The following YWHAE variants were observed in gnomAD, a reference collection of about 807,000 sequenced individuals.
YWHAE encodes the protein tyrosine 3-monooxygenase/tryptophan 5-monooxygenase activation protein epsilon.
A neutral mutation model predicts 30.1 loss-of-function variants in YWHAE; 4 were observed. The observed-to-expected ratio is 0.13, with a 90% CI of 0.07 to 0.30. The LOEUF is 0.30. YWHAE is among the 10% of genes least tolerant of loss of function. YWHAE has a pLI of 1.00. For synonymous variants in YWHAE, 118 were observed against 111.8 expected (o/e 1.06, Z -0.35); for missense variants, 121 against 315.9 (o/e 0.38, Z 4.68).
Position 1,361,317 on chromosome 17 carries a change from TAA to T in YWHAE, c.372-21_372-20del, listed in dbSNP as rs55734488. On this transcript the variant is annotated intron_variant, in intron 3 of 5. Transcript: ENST00000264335. ...CCCTTTCCTAAAACAAAACCAAAAT[TAA>T]AAAAAAAAAAAAAATTTAAACTAGG... 48,061 of 1,315,972 alleles carry T rather than the reference TAA, an allele frequency of 0.037. 1 individual carries two copies. Among genetic ancestry groups the T allele is most frequent in the Admixed American group, 0.076 (2,841 of 37,452 alleles). The allele number at this position is 1,315,972 out of a possible 1,614,324, so 81.5% of individuals were successfully genotyped here.
Position 1,357,087 on chromosome 17 carries a change from G to A in YWHAE, c.579-2740C>T, listed in dbSNP as rs376294981. On this transcript the variant is annotated intron_variant, in intron 4 of 5. Coordinates refer to ENST00000264335, the MANE Select transcript of YWHAE (RefSeq NM_006761.5). ...GATCGAGACCATCCTGGCTAACACAGGGAAACCCCATCTCTATTAAAAATA... is the reference window on the plus strand; with the variant it reads ...GATCGAGACCATCCTGGCTAACACAAGGAAACCCCATCTCTATTAAAAATA... Among the ~76,000 whole-genome samples, 48 of 150,522 alleles carry A rather than the reference G, an allele frequency of 3.2e-4. No individual in the cohort carries two copies. The South Asian group carries it at 4.6e-3, about 15-fold the overall frequency.
intron 1 of YWHAE, among the ~76,000 whole-genome samples, chr17:1,397,531 G>C (rs369975102): frequency 6.6e-6 from 1 of 152,126 alleles, no homozygotes; most frequent in Admixed American, 6.6e-5. Context: ...ATTCAACACA[G>C]CAAGCAAAAT....
chr17:1,346,989 T>TTA (rs2072530327), intron 5 of YWHAE, among the ~76,000 whole-genome samples: 8 of 98,880 alleles, frequency 8.1e-5, no homozygotes, highest in African/African-American at 3.1e-4. Flanking sequence ...AGACTCCGTC[T>TTA]CAAAAAAAAA....
intron 1 of YWHAE, among the ~76,000 whole-genome samples, chr17:1,369,440 C>A (rs2072996129): frequency 6.6e-6 from 1 of 152,088 alleles, no homozygotes; most frequent in Admixed American, 6.6e-5. Flanking sequence ...GTTGCAGTGA[C>A]CCGAGATGGC....
chr17:1,354,070 G>T, intron 5 of YWHAE, 141 bp downstream of exon 5: 1 of 1,061,142 alleles, frequency 9.4e-7, no homozygotes, highest in Non-Finnish European at 1.3e-6. Flanking sequence ...TCCTATAAAG[G>T]CAGCAATTAC....
chr17:1,353,298 C>T (rs866966654), intron 5 of YWHAE, among the ~76,000 whole-genome samples: 2 of 151,708 alleles, frequency 1.3e-5, no homozygotes, highest in Non-Finnish European at 2.9e-5. Flanking sequence ...ACTAGCCAGG[C>T]GTGGTGGCAG....
At chr17:1,391,303 T>C (rs1053326963) in intron 1 of YWHAE, among the ~76,000 whole-genome samples, 1 of 151,794 alleles carries the variant, frequency 6.6e-6, no homozygotes, top group East Asian at 1.9e-4. Flanking sequence ...AAAAAAAAAA[T>C]TCAACCTCCT....
chr17:1,372,028 C>G (rs921129180), intron 1 of YWHAE, among the ~76,000 whole-genome samples: 3 of 151,926 alleles, frequency 2.0e-5, no homozygotes, highest in African/African-American at 7.3e-5. Context: ...TTAGTACAGG[C>G]AGGGTTTCAC....
chr17:1,386,734 G>A (rs2073305706), intron 1 of YWHAE, among the ~76,000 whole-genome samples: 1 of 152,190 alleles, frequency 6.6e-6, no homozygotes, highest in Non-Finnish European at 1.5e-5. Context: ...CGGATCACCT[G>A]AGGCCAGAAG....
chr17:1,355,148 A>AAAAAAAAAATT (rs1555639303), intron 4 of YWHAE, among the ~76,000 whole-genome samples: 14 of 76,792 alleles, frequency 1.8e-4, no homozygotes, highest in Non-Finnish European at 2.4e-4. Flanking sequence ...AAAAAAAAAA[A>AAAAAAAAAATT]TTTTTTTTTT....
intron 1 of YWHAE, among the ~76,000 whole-genome samples, chr17:1,398,290 G>A (rs570852740): frequency 3.6e-4 from 55 of 151,250 alleles, no homozygotes; most frequent in African/African-American, 1.2e-3. Flanking sequence ...TTTAAACACT[G>A]AAATAAAGAC....
chr17:1,394,436 CAAA>C (rs544115909), intron 1 of YWHAE, among the ~76,000 whole-genome samples: 15,116 of 59,220 alleles, frequency 0.26, 768 homozygotes, highest in Admixed American at 0.36. Context: ...CTCAAATCCA[CAAA>C]AAAAAAAAAA....
At chr17:1,374,893 T>C (rs950906747) in intron 1 of YWHAE, among the ~76,000 whole-genome samples, 12 of 152,130 alleles carry the variant, frequency 7.9e-5, no homozygotes, top group South Asian at 2.1e-4. Context: ...AGAAGTAGCA[T>C]TGAGTCAGGA....
chr17:1,387,630 G>C (rs1252410438), intron 1 of YWHAE, among the ~76,000 whole-genome samples: 1 of 151,854 alleles, frequency 6.6e-6, no homozygotes, highest in Non-Finnish European at 1.5e-5. Flanking sequence ...GCGGGGGTGG[G>C]GGCAGTAGGC....
chr17:1,399,357 G>C (rs933781260), intron 1 of YWHAE: 1 of 152,332 alleles, frequency 6.6e-6, no homozygotes, highest in Non-Finnish European at 1.5e-5. Flanking sequence ...CGAGGTGCCG[G>C]CCTACGGGAA....
intron 4 of YWHAE, among the ~76,000 whole-genome samples, chr17:1,359,469 C>A (rs1234362992): frequency 6.6e-6 from 1 of 152,130 alleles, no homozygotes; most frequent in Non-Finnish European, 1.5e-5. Flanking sequence ...AGTTTAATGA[C>A]TAAACAATGT....
chr17:1,383,932 A>AC (rs2073258413), intron 1 of YWHAE, among the ~76,000 whole-genome samples: 1 of 152,064 alleles, frequency 6.6e-6, no homozygotes, highest in African/African-American at 2.4e-5. Flanking sequence ...AGGGCTGGGC[A>AC]CAGTGGCTCA....
intron 1 of YWHAE, among the ~76,000 whole-genome samples, chr17:1,374,960 G>A (rs1242289576): frequency 2.0e-5 from 3 of 152,000 alleles, no homozygotes; most frequent in East Asian, 1.9e-4. Context: ...ACTGTATGTC[G>A]TGCAGTGGCT....
At chr17:1,396,054 G>A (rs147762444) in intron 1 of YWHAE, among the ~76,000 whole-genome samples, 1,631 of 152,292 alleles carry the variant, frequency 0.011, 26 homozygotes, top group African/African-American at 0.037. Flanking sequence ...AGGGGATGGA[G>A]GTTGCAGTGA....
Sources: gnomAD v4.1 joint callset for allele counts (sites outside exome capture counted in the v4.1 genomes callset) on GRCh38, gnomAD v4.1.1 for gene constraint, MANE v1.5 for transcripts, NCBI Gene and HGNC (gene_info 2026-07-23, HGNC 2026-07-21) for gene names.